The following FBN1 variants were observed in gnomAD, a reference collection of about 807,000 sequenced individuals.
The protein encoded by FBN1 is fibrillin 1, also known as fibrillin-1.
In FBN1, 29 loss-of-function variants were observed where a neutral mutation model predicts 365.1. That is an observed-to-expected ratio of 0.08 (90% CI 0.06 to 0.11). The LOEUF (loss-of-function observed/expected upper bound fraction) is 0.11. Among genes scored for constraint, FBN1 ranks in the 10% least tolerant of loss-of-function variants. FBN1 has a pLI of 1.00. For synonymous variants in FBN1, 1,210 were observed against 1,270.5 expected (o/e 0.95, Z 1.01); for missense variants, 2,476 against 3,703.2 (o/e 0.67, Z 8.60).
At chr15:48,506,607 G>A (rs1468295297) in intron 15 of FBN1, among the ~76,000 whole-genome samples, 1 of 152,230 alleles carries the variant, frequency 6.6e-6, no homozygotes, top group African/African-American at 2.4e-5. Context: ...CTTGGTCAAA[G>A]TTAGTGGCTT....
Position 48,487,312 on chromosome 15 carries a change from C to A in FBN1, c.3463G>T (p.Asp1155Tyr). ...QLSPNISACI[D>Y]INECELSAHL... Reference sequence around the variant, plus strand: ...ATGGTGTGAAAGTCTTTCTCCTTACCGATACACGCGGAGATGTTGGGGGAC... The same window carrying A: ...ATGGTGTGAAAGTCTTTCTCCTTACAGATACACGCGGAGATGTTGGGGGAC... The change falls in exon 28 of 66, where the codon GAC becomes TAC. Residue 1155 changes from aspartate (D) to tyrosine (Y), a missense_variant and splice_region_variant. By Grantham distance (160) the Asp-to-Tyr change is radical. Transcript: ENST00000316623. 6.2e-7 allele frequency: 1 copy of A among 1,614,186 alleles called. No individual in the cohort carries two copies. The highest frequency in any genetic ancestry group is 8.5e-7 in the Non-Finnish European group (1 of 1,180,034).
intron 6 of FBN1, among the ~76,000 whole-genome samples, chr15:48,540,298 A>G (rs1305455889): frequency 6.6e-6 from 1 of 152,222 alleles, no homozygotes; most frequent in Non-Finnish European, 1.5e-5. Context: ...GAAACCCTTG[A>G]TAACGTATTG....
At chr15:48,463,032 T>A in intron 42 of FBN1, 50 bp downstream of exon 42, 1 of 1,555,688 alleles carries the variant, frequency 6.4e-7, no homozygotes, top group Non-Finnish European at 8.9e-7. Flanking sequence ...CAACAATTCA[T>A]GGGTAATTTT....
rs1566908083 is a variant in FBN1 at position 48,481,717 on chromosome 15, C to G, written c.3902G>C (p.Gly1301Ala). The part of the protein sequence containing the change: ...CLSGTCENTK[G>A]SFICHCDMGY... ...CATATCACAGTGGCAGATAAATGAG[C>G]CTTTCGTGTTTTCACAGGTCCCACT... The change falls in exon 32 of 66, where the codon GGC becomes GCC. Residue 1301 changes from glycine (G) to alanine (A), a missense_variant. This residue lies in a region of FBN1 where 1,780 missense variants were observed against 2,840.8 expected (regional missense o/e 0.63). Coordinates refer to ENST00000316623, the MANE Select transcript of FBN1 (RefSeq NM_000138.5). 1.2e-6 allele frequency: 2 copies of G among 1,613,722 alleles called. No homozygotes were observed. Among genetic ancestry groups the G allele is most frequent in the Non-Finnish European group, 1.7e-6 (2 of 1,179,778 alleles).
intron 8 of FBN1, 105 bp from the exon 9 acceptor site, chr15:48,526,360 A>C: frequency 8.0e-7 from 1 of 1,243,374 alleles, no homozygotes; most frequent in Non-Finnish European, 1.2e-6. Flanking sequence ...TGTCCCTGGA[A>C]ACAGCCATCA....
At chr15:48,422,922 G>A (rs561102581) in intron 60 of FBN1, among the ~76,000 whole-genome samples, 12 of 151,970 alleles carry the variant, frequency 7.9e-5, no homozygotes, top group Non-Finnish European at 1.5e-4. Context: ...GTGAAACTTC[G>A]TCTCAAAACA....
chr15:48,520,100 C>T (rs1451429862), intron 10 of FBN1, among the ~76,000 whole-genome samples: 1 of 152,064 alleles, frequency 6.6e-6, no homozygotes, highest in Admixed American at 6.6e-5. Flanking sequence ...ACTTCACTGA[C>T]TCATACTTTG....
At position 48,587,137 on chromosome 15, in the gene FBN1, C is replaced by T. The variant is rs140819189; in HGVS notation, c.538+9146G>A. Among the ~76,000 whole-genome samples, 40 of 152,268 alleles carry T rather than the reference C, an allele frequency of 2.6e-4. No individual in the cohort carries two copies. In the East Asian group the frequency reaches 5.2e-3, roughly 20 times the overall value. On this transcript the variant is annotated intron_variant, in intron 6 of 65. Coordinates refer to ENST00000316623, the MANE Select transcript of FBN1 (RefSeq NM_000138.5). ...TTCTACAAAAAGTACTTTGGCACAT[C>T]GTCGGGACCATGAAGCCCCATGTAT...
At chr15:48,532,212 G>A (rs538288575) in intron 8 of FBN1, among the ~76,000 whole-genome samples, 1 of 152,302 alleles carries the variant, frequency 6.6e-6, no homozygotes, top group Admixed American at 6.5e-5. Flanking sequence ...ATTCTACTCA[G>A]GCTGGAAGCC....
chr15:48,599,601 G>A (rs2044546106), intron 5 of FBN1, among the ~76,000 whole-genome samples: 1 of 151,652 alleles, frequency 6.6e-6, no homozygotes, highest in African/African-American at 2.4e-5. Flanking sequence ...GGGACTGGTA[G>A]AAAGTAGATA....
At chr15:48,449,920 C>A (rs1166942922) in intron 45 of FBN1, among the ~76,000 whole-genome samples, 2 of 152,182 alleles carry the variant, frequency 1.3e-5, no homozygotes, top group African/African-American at 4.8e-5. Context: ...TCATGGACAT[C>A]TCCTCCATTT....
chr15:48,612,947 T>G, intron 3 of FBN1, 63 bp downstream of exon 3: 1 of 1,196,896 alleles, frequency 8.4e-7, no homozygotes, highest in South Asian at 1.2e-5. Flanking sequence ...ATTCTAAGGC[T>G]CCCCATGCAA....
chr15:48,567,998 T>TAAGAAAAAGAAAGA (rs1752015867), intron 6 of FBN1, among the ~76,000 whole-genome samples: 6 of 56,534 alleles, frequency 1.1e-4, no homozygotes, highest in Non-Finnish European at 1.8e-4. Context: ...AGTATACAGA[T>TAAGAAAAAGAAAGA]AAGAAAGAAA....
At chr15:48,457,902 A>G (rs992652360) in intron 43 of FBN1, among the ~76,000 whole-genome samples, 1 of 152,118 alleles carries the variant, frequency 6.6e-6, no homozygotes, top group Non-Finnish European at 1.5e-5. Flanking sequence ...ACTGGGACTC[A>G]GTTAACAGGC....
At chr15:48,641,522 C>A (rs1890197852) in intron 2 of FBN1, 1 of 152,130 alleles carries the variant, frequency 6.6e-6, no homozygotes, top group Admixed American at 6.6e-5. Flanking sequence ...GAGAAGGAAC[C>A]AGTGCACAGC....
intron 6 of FBN1, among the ~76,000 whole-genome samples, chr15:48,586,072 TC>T (rs1246127926): frequency 6.6e-6 from 1 of 152,202 alleles, no homozygotes; most frequent in Non-Finnish European, 1.5e-5. Context: ...ATTCTTTACC[TC>T]TTAGTAAATA....
At position 48,463,101 on chromosome 15, in the gene FBN1, C is replaced by T; in HGVS notation, c.5205G>A (p.Gln1735=). ...ACTCACCTGTACTTGGGATGGGACA[C>T]TGTTCACAGGGCTTGTTCCACGCCC... ...IGRAWNKPCE[Q]CPIPSTDEFA... The change falls in exon 42 of 66, where the codon CAG becomes CAA. Residue 1735 remains glutamine, a synonymous_variant. Transcript: ENST00000316623. The T allele has an allele frequency of 1.2e-6, 2 of 1,614,098 alleles. No homozygotes were observed. The highest frequency in any genetic ancestry group is 1.3e-5 in the African/African-American group (1 of 75,058).
At chr15:48,485,301 C>T in intron 30 of FBN1, 73 bp downstream of exon 30, 6 of 1,610,392 alleles carry the variant, frequency 3.7e-6, no homozygotes, top group Non-Finnish European at 3.4e-6. Flanking sequence ...TGCTTGACTC[C>T]AAAGCCTGGG....
chr15:48,481,737 C>T lies in FBN1; in HGVS notation c.3882G>A (p.Gly1294=), dbSNP rs772612840. The change falls in exon 32 of 66, where the codon GGG becomes GGA. Residue 1294 remains glycine, a synonymous_variant. Transcript: ENST00000316623. ...ATGAGCCTTTCGTGTTTTCACAGGT[C>T]CCACTTAGGCAGATATTTGGATTCA... ...CDLNPNICLS[G]TCENTKGSFI... The T allele has an allele frequency of 1.9e-6, 3 of 1,613,618 alleles. No individual in the cohort carries two copies. The highest frequency in any genetic ancestry group is 2.5e-6 in the Non-Finnish European group (3 of 1,179,676).
Sources: allele counts gnomAD v4.1 joint callset (sites outside exome capture counted in the v4.1 genomes callset), GRCh38; gene constraint gnomAD v4.1.1; regional missense constraint gnomAD v4.1.1; transcripts MANE v1.5; gene names NCBI Gene and HGNC (gene_info 2026-07-23, HGNC 2026-07-21).